Variants in TMCC1 observed in about 807,000 individuals in gnomAD.
TMCC1 encodes transmembrane and coiled-coil domains protein 1.
Under a neutral mutation model 52.4 loss-of-function variants are expected in TMCC1, and 15 were observed. The ratio of observed to expected loss-of-function variants is 0.29; its 90% CI spans 0.19 to 0.44. The LOEUF (loss-of-function observed/expected upper bound fraction) is 0.44. Ranked by LOEUF, TMCC1 falls within the 20% of genes least tolerant of loss-of-function variation. The probability of loss-of-function intolerance (pLI) is 1.00; values close to 1 mark genes in which losing one functional copy is unlikely to be tolerated. For synonymous variants in TMCC1, 279 were observed against 301.9 expected, an observed-to-expected ratio of 0.92 and a Z score of 0.79; for missense variants, 503 against 806.0, an observed-to-expected ratio of 0.62 and a Z score of 4.55.
intron 2 of TMCC1, among the ~76,000 whole-genome samples, chr3:129,846,454 T>C: frequency 6.6e-6 from 1 of 152,226 alleles, no homozygotes; most frequent in East Asian, 1.9e-4. Context: ...AGGTAACACA[T>C]ACTTTATGCT....
chr3:129,784,158 C>A (rs1231613636), intron 4 of TMCC1, among the ~76,000 whole-genome samples: 1 of 151,938 alleles, frequency 6.6e-6, no homozygotes, highest in African/African-American at 2.4e-5. Context: ...CAAATTCATT[C>A]ATGAAACTTT....
chr3:129,893,626 G>GCGCCGCCTCAGCCGC lies in TMCC1; in HGVS notation c.-582_-568dup, dbSNP rs552068984. On this transcript the variant is annotated 5_prime_UTR_variant, in exon 1 of 7. Transcript: ENST00000393238. ...ACCCCCCCCTCCCGACCCTCCCCCC[G>GCGCCGCCTCAGCCGC]CGCCGCCTCAGCCGCCGCCGCCTCA... The GCGCCGCCTCAGCCGC allele has an allele frequency of 4.8e-5, 6 of 125,922 alleles. No individual in the cohort carries two copies. Among genetic ancestry groups the GCGCCGCCTCAGCCGC allele is most frequent in the Non-Finnish European group, 1.0e-4 (6 of 57,506 alleles). The allele number at this position is 125,922 out of a possible 1,614,324, so 7.8% of individuals were successfully genotyped here.
intron 4 of TMCC1, among the ~76,000 whole-genome samples, chr3:129,722,773 A>G (rs2049724717): frequency 6.6e-6 from 1 of 152,204 alleles, no homozygotes; most frequent in South Asian, 2.1e-4. Flanking sequence ...CTGACCTTTT[A>G]TAACCTCAGA....
chr3:129,876,459 T>C (rs1401408407), intron 2 of TMCC1, among the ~76,000 whole-genome samples: 2 of 151,976 alleles, frequency 1.3e-5, no homozygotes, highest in Non-Finnish European at 2.9e-5. Context: ...TTTTTCATAA[T>C]AATTGCTAAG....
At chr3:129,773,955 T>C (rs373731309) in intron 4 of TMCC1, among the ~76,000 whole-genome samples, 2 of 152,184 alleles carry the variant, frequency 1.3e-5, no homozygotes, top group South Asian at 2.1e-4. Flanking sequence ...AAAACTAAAA[T>C]TTAAAAAATT....
intron 2 of TMCC1, among the ~76,000 whole-genome samples, chr3:129,876,912 G>A (rs986302920): frequency 3.9e-5 from 6 of 152,082 alleles, no homozygotes; most frequent in African/African-American, 1.4e-4. Context: ...AGCTGAGATC[G>A]TGCCACTGCA....
intron 5 of TMCC1, among the ~76,000 whole-genome samples, chr3:129,660,437 G>A (rs1249025245): frequency 6.6e-6 from 1 of 152,192 alleles, no homozygotes; most frequent in African/African-American, 2.4e-5. Context: ...ACAGGCATGA[G>A]CCACTGTCCA....
intron 5 of TMCC1, among the ~76,000 whole-genome samples, chr3:129,657,046 T>A (rs1180149221): frequency 1.3e-5 from 2 of 150,772 alleles, no homozygotes; most frequent in African/African-American, 4.8e-5. Context: ...GGCCAGAGAC[T>A]TTTTTAAAGC....
At chr3:129,678,820 A>G (rs577364829) in intron 4 of TMCC1, among the ~76,000 whole-genome samples, 13 of 152,326 alleles carry the variant, frequency 8.5e-5, no homozygotes, top group Non-Finnish European at 1.9e-4. Context: ...CTAGCTACAG[A>G]GTATGTGTTA....
In TMCC1 at chr3:129,671,246, T is replaced by A; in HGVS notation, c.595A>T (p.Ser199Cys). The A allele has an allele frequency of 6.2e-7, 1 of 1,611,956 alleles. No individual in the cohort carries two copies. Among genetic ancestry groups the A allele is most frequent in the Non-Finnish European group, 8.5e-7 (1 of 1,178,550 alleles). Residue 199 changes from serine to cysteine, a missense_variant, in exon 5 of 7, where the codon AGC becomes TGC. Transcript: ENST00000393238. ...TAERIERLEV[S>C]SLAQTSSAVA... The stretch of plus-strand genomic sequence containing the variant: ...GCACTGGATGTTTGGGCAAGGCTGC[T>A]TACTTCCAACCGTTCGATCTAGTGT...
intron 4 of TMCC1, among the ~76,000 whole-genome samples, chr3:129,784,820 C>T (rs1293568384): frequency 6.6e-6 from 1 of 151,762 alleles, no homozygotes; most frequent in Non-Finnish European, 1.5e-5. Flanking sequence ...CAAAATTAGC[C>T]AGGCATGGTG....
intron 1 of TMCC1, among the ~76,000 whole-genome samples, chr3:129,881,141 T>C (rs2669836): frequency 0.37 from 56,135 of 152,006 alleles, 15,611 homozygotes; most frequent in African/African-American, 0.77. Context: ...GGATTACAGG[T>C]GTGAGCCACC....
intron 2 of TMCC1, among the ~76,000 whole-genome samples, chr3:129,871,365 C>CAAAAAAAAA (rs908333351): frequency 4.0e-5 from 2 of 49,826 alleles, no homozygotes; most frequent in African/African-American, 1.5e-4. Flanking sequence ...GACGCTGTCT[C>CAAAAAAAAA]AAAAAAAAAA....
chr3:129,736,680 C>T (rs928031795), intron 4 of TMCC1, among the ~76,000 whole-genome samples: 1 of 151,862 alleles, frequency 6.6e-6, no homozygotes, highest in Non-Finnish European at 1.5e-5. Flanking sequence ...CGCCACCACG[C>T]CCAGCTAATT....
chr3:129,684,111 A>T (rs972752714), intron 4 of TMCC1, among the ~76,000 whole-genome samples: 1 of 152,206 alleles, frequency 6.6e-6, no homozygotes, highest in Non-Finnish European at 1.5e-5. Flanking sequence ...ATTGTAAAAA[A>T]TTGCTTAAAT....
chr3:129,782,111 C>T (rs1051095513), intron 4 of TMCC1, among the ~76,000 whole-genome samples: 1 of 152,076 alleles, frequency 6.6e-6, no homozygotes, highest in Admixed American at 6.6e-5. Context: ...GTCAGACATT[C>T]TAACTGAGAT....
intron 4 of TMCC1, among the ~76,000 whole-genome samples, chr3:129,779,424 G>A (rs993013268): frequency 2.0e-5 from 3 of 152,050 alleles, no homozygotes; most frequent in Non-Finnish European, 4.4e-5. Context: ...CTCATCATCT[G>A]TATTTACTAT....
At chr3:129,708,835 T>C (rs1242940930) in intron 4 of TMCC1, among the ~76,000 whole-genome samples, 1 of 152,236 alleles carries the variant, frequency 6.6e-6, no homozygotes, top group Non-Finnish European at 1.5e-5. Flanking sequence ...AAATGACTGC[T>C]GAAATCCGGC....
At chr3:129,682,878 T>C (rs1381550990) in intron 4 of TMCC1, among the ~76,000 whole-genome samples, 1 of 151,900 alleles carries the variant, frequency 6.6e-6, no homozygotes, top group Non-Finnish European at 1.5e-5. Flanking sequence ...TCTTGTTGCC[T>C]AGACTGGAGT....
Sources: gnomAD v4.1 joint callset for allele counts (sites outside exome capture counted in the v4.1 genomes callset) on GRCh38, gnomAD v4.1.1 for gene constraint, MANE v1.5 for transcripts, NCBI Gene and HGNC (gene_info 2026-07-23, HGNC 2026-07-21) for gene names.